DOCK3: variants seen among roughly 807,000 people sequenced by gnomAD.
The protein encoded by DOCK3 is dedicator of cytokinesis 3, also known as dedicator of cytokinesis protein 3.
Under a neutral mutation model 265.6 loss-of-function variants are expected in DOCK3, and 60 were observed. That is an observed-to-expected ratio of 0.23 (90% confidence interval 0.18 to 0.28). The LOEUF is 0.28. Among genes scored for constraint, DOCK3 ranks in the 10% least tolerant of loss-of-function variants. The pLI is 1.00. For missense variants in DOCK3, 1,981 were observed against 2,594.3 expected (o/e 0.76, Z 5.14); for synonymous variants, 881 against 938.0 (o/e 0.94, Z 1.11).
intron 51 of DOCK3, among the ~76,000 whole-genome samples, chr3:51,376,638 A>G (rs1175900720): frequency 1.3e-5 from 2 of 151,956 alleles, no homozygotes; most frequent in Admixed American, 6.6e-5. Context: ...TGCTCCATCT[A>G]TTGGAGTTTA....
intron 49 of DOCK3, among the ~76,000 whole-genome samples, chr3:51,365,241 T>G (rs993943184): frequency 2.0e-5 from 3 of 152,222 alleles, no homozygotes; most frequent in Non-Finnish European, 1.5e-5. Context: ...TTATTCTCTT[T>G]GAAGCAATCG....
At chr3:50,875,031 A>T (rs1345226753) in intron 3 of DOCK3, among the ~76,000 whole-genome samples, 1 of 152,136 alleles carries the variant, frequency 6.6e-6, no homozygotes, top group Non-Finnish European at 1.5e-5. Flanking sequence ...GGACACAGGG[A>T]GGGGAACGTC....
chr3:51,011,261 C>A (rs1464846431), intron 5 of DOCK3, among the ~76,000 whole-genome samples: 1 of 152,216 alleles, frequency 6.6e-6, no homozygotes, highest in Non-Finnish European at 1.5e-5. Flanking sequence ...GTATACCAAT[C>A]AGACGTGTAC....
At chr3:50,696,494 A>G (rs1303418971) in intron 1 of DOCK3, among the ~76,000 whole-genome samples, 1 of 152,266 alleles carries the variant, frequency 6.6e-6, no homozygotes, top group Non-Finnish European at 1.5e-5. Flanking sequence ...GCAAGGCAAT[A>G]TCCCTAAGAG....
rs773698997 is a variant in DOCK3 at position 51,214,149 on chromosome 3, G to A, written c.1154G>A (p.Arg385His). Residue 385 changes from arginine to histidine, a missense_variant, in exon 14 of 53, where the codon CGT (arginine) becomes CAT (histidine). Transcript: ENST00000266037. ...CTTATCATTTCTCTGCAGCTTCTTC[G>A]TGGAGACATGGAACAGATTCGGAGA... is the stretch of plus-strand genomic sequence containing the variant. The part of the protein sequence containing the change: ...HGLIISLQLL[R>H]GDMEQIRREN... The A allele has an allele frequency of 1.7e-5, 27 of 1,613,624 alleles. No individual in the cohort carries two copies. Among genetic ancestry groups the A allele is most frequent in the East Asian group, 1.1e-4 (5 of 44,886 alleles).
intron 1 of DOCK3, among the ~76,000 whole-genome samples, chr3:50,771,743 C>T (rs2675817): frequency 0.094 from 14,325 of 151,988 alleles, 818 homozygotes; most frequent in Non-Finnish European, 0.12. Flanking sequence ...CCCAGCTACT[C>T]GGGAGGCTGA....
At chr3:50,704,357 G>A (rs1256545539) in intron 1 of DOCK3, among the ~76,000 whole-genome samples, 2 of 152,038 alleles carry the variant, frequency 1.3e-5, no homozygotes, top group African/African-American at 2.4e-5. Context: ...TCTGTCCAGT[G>A]CTAAAAGTGG....
At chr3:51,019,827 A>G (rs926791237) in intron 5 of DOCK3, among the ~76,000 whole-genome samples, 2 of 151,962 alleles carry the variant, frequency 1.3e-5, no homozygotes, top group Non-Finnish European at 2.9e-5. Context: ...GTATGGCTGC[A>G]TAGTATTCCA....
intron 12 of DOCK3, among the ~76,000 whole-genome samples, chr3:51,202,917 C>A (rs1245790050): frequency 6.6e-6 from 1 of 152,004 alleles, no homozygotes; most frequent in Admixed American, 6.6e-5. Flanking sequence ...AGACAAAAAC[C>A]ACATGATTAT....
At position 51,065,298 on chromosome 3, in the gene DOCK3, T is replaced by C. The variant is rs190945248; in HGVS notation, c.464+702T>C. Reference sequence around the variant, plus strand: ...TTTAAGTGACCAGGTTGCCTCCTACTTAAAATATACATATACCTTAAGTAT... The same window carrying C: ...TTTAAGTGACCAGGTTGCCTCCTACCTAAAATATACATATACCTTAAGTAT... On this transcript the variant is annotated intron_variant, in intron 6 of 52. Transcript: ENST00000266037. Among the ~76,000 whole-genome samples, 466 of 152,352 alleles carry C rather than the reference T, an allele frequency of 3.1e-3. 3 individuals are homozygous for C. Among genetic ancestry groups the C allele is most frequent in the African/African-American group, 0.011 (452 of 41,574 alleles).
chr3:50,784,641 T>C (rs1168546848), intron 2 of DOCK3, among the ~76,000 whole-genome samples: 3 of 152,250 alleles, frequency 2.0e-5, no homozygotes, highest in Non-Finnish European at 4.4e-5. Flanking sequence ...CCCATTCATA[T>C]GCATGGGATG....
chr3:50,836,332 C>T (rs1012558562), intron 2 of DOCK3, among the ~76,000 whole-genome samples: 4 of 152,212 alleles, frequency 2.6e-5, no homozygotes, highest in Admixed American at 6.5e-5. Flanking sequence ...CAGGCATTTT[C>T]GTACATCCTC....
intron 5 of DOCK3, among the ~76,000 whole-genome samples, chr3:51,036,660 A>C (rs1228299347): frequency 6.6e-6 from 1 of 151,816 alleles, no homozygotes; most frequent in Non-Finnish European, 1.5e-5. Flanking sequence ...CTTTAGATGT[A>C]TTTGGAGTCA....
At chr3:50,929,270 A>G (rs560147111) in intron 4 of DOCK3, among the ~76,000 whole-genome samples, 2 of 152,222 alleles carry the variant, frequency 1.3e-5, no homozygotes, top group South Asian at 4.1e-4. Context: ...TCTGTCCCCT[A>G]ACCTCCAGTG....
At chr3:50,926,122 G>A (rs943554516) in intron 4 of DOCK3, among the ~76,000 whole-genome samples, 1 of 152,074 alleles carries the variant, frequency 6.6e-6, no homozygotes, top group African/African-American at 2.4e-5. Flanking sequence ...TTGGCAGCTG[G>A]CTTGTGATAT....
At chr3:51,308,549 C>G (rs1331688714) in intron 27 of DOCK3, among the ~76,000 whole-genome samples, 2 of 151,898 alleles carry the variant, frequency 1.3e-5, no homozygotes, top group Non-Finnish European at 2.9e-5. Flanking sequence ...GGTCATAGAT[C>G]AACAGGATCC....
intron 12 of DOCK3, among the ~76,000 whole-genome samples, chr3:51,179,012 C>G (rs749061317): frequency 1.3e-4 from 20 of 152,132 alleles, no homozygotes; most frequent in Non-Finnish European, 2.9e-4. Context: ...GCTCTCTTGC[C>G]TTTAAATAGG....
intron 22 of DOCK3, among the ~76,000 whole-genome samples, chr3:51,254,338 A>G (rs2079429385): frequency 6.6e-6 from 1 of 152,224 alleles, no homozygotes; most frequent in South Asian, 2.1e-4. Flanking sequence ...AAGAATGTAT[A>G]TTCTTTTGAT....
chr3:51,118,016 C>T (rs554735505), intron 9 of DOCK3, among the ~76,000 whole-genome samples: 3 of 152,228 alleles, frequency 2.0e-5, no homozygotes, highest in African/African-American at 7.2e-5. Flanking sequence ...AATCTGTTTG[C>T]TCTTGCTTCA....
Sources: gnomAD v4.1 joint callset for allele counts (sites outside exome capture counted in the v4.1 genomes callset) on GRCh38, gnomAD v4.1.1 for gene constraint, MANE v1.5 for transcripts, NCBI Gene and HGNC (gene_info 2026-07-23, HGNC 2026-07-21) for gene names.